MYO3B: variants seen among roughly 807,000 people sequenced by gnomAD.
MYO3B encodes myosin IIIB.
In MYO3B, 156 loss-of-function variants were observed where a neutral mutation model predicts 174.6. That is an observed-to-expected ratio of 0.89 (90% CI 0.78 to 1.02). The LOEUF (loss-of-function observed/expected upper bound fraction) is 1.02. Ranked by LOEUF, MYO3B falls within the 50% of genes least tolerant of loss-of-function variation. MYO3B has a pLI of 0.00. For synonymous variants in MYO3B, 563 were observed against 569.1 expected (o/e 0.99, Z 0.15); for missense variants, 1,632 against 1,639.4 (o/e 1.00, Z 0.08).
rs376501025 is a variant in MYO3B at position 170,205,972 on chromosome 2, A to G, written c.321+5688A>G. Among the ~76,000 whole-genome samples the G allele has an allele frequency of 5.9e-5, 9 of 152,264 alleles. No individual in the cohort carries two copies. The East Asian group carries it at 1.2e-3, about 20-fold the overall frequency. ...TATATATTATATGGGTAGTATACAT[A>G]GTATATTATAATAAAGCCCATACTC... On this transcript the variant is annotated intron_variant, in intron 3 of 34. Transcript: ENST00000408978.
chr2:170,420,055 T>C (rs1370722521), intron 22 of MYO3B, among the ~76,000 whole-genome samples: 2 of 152,000 alleles, frequency 1.3e-5, no homozygotes, highest in Non-Finnish European at 2.9e-5. Context: ...TGGTGATGCA[T>C]GCCTGTAGTC....
Position 170,463,423 on chromosome 2 carries a change from A to G in MYO3B, c.2786A>G (p.Gln929Arg), listed in dbSNP as rs1325615285. The change falls in exon 24 of 35, where the codon CAA becomes CGA. Residue 929 changes from glutamine (Q) to arginine (R), a missense_variant. Coordinates refer to ENST00000408978, the MANE Select transcript of MYO3B (RefSeq NM_138995.5). ...GAAGAAACCACCAACATGAAGAGGC[A>G]AACTGTGGCTTCTTACTTCCGGGTA... Reference protein sequence around the residue: ...HPEETTNMKRQTVASYFRYSL... With the variant: ...HPEETTNMKRRTVASYFRYSL... 1.9e-6 allele frequency: 3 copies of G among 1,614,062 alleles called. No homozygotes were observed. The Admixed American group carries it at 5.0e-5, about 27-fold the overall frequency.
chr2:170,474,036 G>A (rs1344225670), intron 25 of MYO3B, among the ~76,000 whole-genome samples: 1 of 152,162 alleles, frequency 6.6e-6, no homozygotes, highest in East Asian at 1.9e-4. Context: ...TATTGGCTTA[G>A]GAAATTAGGA....
At chr2:170,632,233 G>A (rs1420879440) in intron 32 of MYO3B, among the ~76,000 whole-genome samples, 5 of 152,152 alleles carry the variant, frequency 3.3e-5, no homozygotes, top group Admixed American at 2.0e-4. Context: ...ATAGTTGGAA[G>A]TAAAGCACTC....
chr2:170,534,239 G>C (rs1689540754), intron 30 of MYO3B, among the ~76,000 whole-genome samples: 2 of 152,060 alleles, frequency 1.3e-5, no homozygotes, highest in South Asian at 4.1e-4. Context: ...TTGAAATTAA[G>C]GTATGTACAT....
intron 7 of MYO3B, among the ~76,000 whole-genome samples, chr2:170,291,792 G>C (rs1472097272): frequency 6.6e-6 from 1 of 151,662 alleles, no homozygotes; most frequent in Non-Finnish European, 1.5e-5. Context: ...TGAAAAGCCT[G>C]TTGCCAGACA....
chr2:170,649,373 TATAA>T (rs1393557610), intron 32 of MYO3B, among the ~76,000 whole-genome samples: 2 of 63,904 alleles, frequency 3.1e-5, no homozygotes, highest in Non-Finnish European at 5.6e-5. Flanking sequence ...TATATAAAAA[TATAA>T]ATATATTATA....
intron 1 of MYO3B, among the ~76,000 whole-genome samples, chr2:170,193,099 G>A (rs2092559428): frequency 6.6e-6 from 1 of 151,774 alleles, no homozygotes; most frequent in African/African-American, 2.4e-5. Flanking sequence ...AGCTGACAAT[G>A]TCTTTTACTA....
rs2094339687 is a variant in MYO3B at position 170,382,048 on chromosome 2, A to T, written c.1004A>T (p.His335Leu). 1 of 1,613,566 alleles carries T rather than the reference A, an allele frequency of 6.2e-7. No homozygotes were observed. Among genetic ancestry groups the T allele is most frequent in the African/African-American group, 1.3e-5 (1 of 74,924 alleles). The stretch of plus-strand genomic sequence containing the variant: ...AGGATGCATACCAGAAGACCTTATC[A>T]TGTGGAAGATGCTGAAAAATACTGC... ...HERMHTRRPY[H>L]VEDAEKYCLE... is the part of the protein sequence containing the mutation. Residue 335 changes from histidine (H) to leucine (L), a missense_variant, in exon 10 of 35, where the codon CAT (histidine) becomes CTT (leucine). By Grantham distance (99) the His-to-Leu change is moderately conservative (BLOSUM62 -3). Transcript: ENST00000408978.
chr2:170,570,005 A>G (rs1692333630), intron 32 of MYO3B, among the ~76,000 whole-genome samples: 1 of 152,184 alleles, frequency 6.6e-6, no homozygotes, highest in Admixed American at 6.5e-5. Flanking sequence ...AGATAAGACA[A>G]CATGGATTAT....
rs569216266 is a variant in MYO3B at position 170,181,425 on chromosome 2, A to T, written c.2+3136A>T. On this transcript the variant is annotated intron_variant, in intron 1 of 34. Transcript: ENST00000408978. ...TTCTTCCCTTCTAATCTGGATTTTT[A>T]AATTTTCTTTTTCTTGACTTATTAT... 3.9e-5 allele frequency among the ~76,000 whole-genome samples: 6 copies of T among 152,194 alleles called. No homozygotes were observed. In the East Asian group the frequency reaches 1.2e-3, roughly 29 times the overall value.
At chr2:170,343,782 TA>T (rs2093995101) in intron 8 of MYO3B, 1 of 152,270 alleles carries the variant, frequency 6.6e-6, no homozygotes, top group African/African-American at 2.4e-5. Context: ...CTAGCACTGC[TA>T]ATTAGATTTT....
chr2:170,275,936 T>C (rs776644278), intron 7 of MYO3B, among the ~76,000 whole-genome samples: 5 of 152,216 alleles, frequency 3.3e-5, no homozygotes, highest in Non-Finnish European at 7.3e-5. Context: ...CCATCAGTTA[T>C]GTTTTTTAAA....
chr2:170,399,925 A>C (rs2094464308), intron 16 of MYO3B, among the ~76,000 whole-genome samples: 1 of 152,206 alleles, frequency 6.6e-6, no homozygotes, highest in Admixed American at 6.5e-5. Flanking sequence ...GGCAATAATG[A>C]GAAGGAAAGT....
intron 32 of MYO3B, among the ~76,000 whole-genome samples, chr2:170,588,167 C>A (rs1332894946): frequency 2.0e-5 from 3 of 152,084 alleles, no homozygotes; most frequent in Non-Finnish European, 4.4e-5. Flanking sequence ...CTTGGTGACT[C>A]ACTTCTGTAA....
intron 32 of MYO3B, among the ~76,000 whole-genome samples, chr2:170,592,952 A>T (rs1179722375): frequency 6.6e-6 from 1 of 152,104 alleles, no homozygotes; most frequent in African/African-American, 2.4e-5. Context: ...CTATATATAG[A>T]TATATATCTA....
At chr2:170,517,557 G>T (rs553994383) in intron 29 of MYO3B, among the ~76,000 whole-genome samples, 39 of 152,218 alleles carry the variant, frequency 2.6e-4, no homozygotes, top group African/African-American at 8.2e-4. Flanking sequence ...ACAGACAAAA[G>T]CTTGCAATCT....
intron 7 of MYO3B, among the ~76,000 whole-genome samples, chr2:170,329,230 AGTGTGTGTGT>A (rs72422629): frequency 1.3e-5 from 2 of 148,554 alleles, no homozygotes; most frequent in African/African-American, 2.5e-5. Flanking sequence ...ACAGAAAAAC[AGTGTGTGTGT>A]GTGTGTGTGT....
chr2:170,444,117 T>A, intron 23 of MYO3B, 71 bp downstream of exon 23: 2 of 1,361,928 alleles, frequency 1.5e-6, no homozygotes, highest in South Asian at 2.4e-5. Flanking sequence ...AATCTTAGAG[T>A]GGGCAGCATT....
Sources: allele counts gnomAD v4.1 joint callset (sites outside exome capture counted in the v4.1 genomes callset), GRCh38; gene constraint gnomAD v4.1.1; transcripts MANE v1.5; gene names NCBI Gene and HGNC (gene_info 2026-07-23, HGNC 2026-07-21).